Variants in GRIN2A observed in about 807,000 individuals in gnomAD.
The protein encoded by GRIN2A is glutamate ionotropic receptor NMDA type subunit 2A.
GRIN2A carries 22 observed loss-of-function variants against 113.4 expected under a neutral mutation model. The observed-to-expected ratio is 0.19, with a 90% CI of 0.14 to 0.28. GRIN2A has a LOEUF of 0.28. GRIN2A is among the 10% of genes least tolerant of loss of function. The pLI is 1.00. For synonymous variants in GRIN2A, 827 were observed against 738.4 expected (o/e 1.12, Z -1.94); for missense variants, 1,502 against 1,887.0 (o/e 0.80, Z 3.78).
chr16:9,974,838 T>A (rs1425765832), intron 2 of GRIN2A, among the ~76,000 whole-genome samples: 1 of 152,232 alleles, frequency 6.6e-6, no homozygotes, highest in African/African-American at 2.4e-5. Flanking sequence ...TATTTCTTTT[T>A]CTGGCCTAAT....
At chr16:10,066,300 G>A (rs1182543171) in intron 2 of GRIN2A, among the ~76,000 whole-genome samples, 3 of 152,102 alleles carry the variant, frequency 2.0e-5, no homozygotes, top group Non-Finnish European at 4.4e-5. Context: ...AGTGGCCGCT[G>A]GGCTCCTTCC....
intron 2 of GRIN2A, chr16:10,112,137 G>T: frequency 1.7e-6 from 1 of 594,468 alleles, no homozygotes; most frequent in South Asian, 1.7e-5. Flanking sequence ...GGGCACCCAT[G>T]AGGATGACAA....
intron 2 of GRIN2A, among the ~76,000 whole-genome samples, chr16:10,130,768 T>A (rs72776054): frequency 6.6e-6 from 1 of 152,130 alleles, no homozygotes; most frequent in East Asian, 1.9e-4. Context: ...CACTGTCATG[T>A]CTTCATTAAG....
chr16:9,978,072 G>C (rs560778221), intron 2 of GRIN2A, among the ~76,000 whole-genome samples: 3 of 152,210 alleles, frequency 2.0e-5, no homozygotes, highest in Admixed American at 2.0e-4. Context: ...ACCTTTCTGA[G>C]CCTTTTCTTC....
chr16:10,112,770 C>T (rs1158972308), intron 2 of GRIN2A: 1 of 708,526 alleles, frequency 1.4e-6, no homozygotes, highest in African/African-American at 1.7e-5. Context: ...AGCGAGTAAC[C>T]AGCATGGCTC....
Position 9,808,680 on chromosome 16 carries a change from G to A in GRIN2A, c.2169-10216C>T, listed in dbSNP as rs145087947. 2.7e-4 allele frequency among the ~76,000 whole-genome samples: 41 copies of A among 152,116 alleles called. 1 individual carries two copies. In the East Asian group the frequency reaches 6.4e-3, roughly 24 times the overall value. On this transcript the variant is annotated intron_variant, in intron 10 of 12. Transcript: ENST00000330684. ...TTAGAGACAGAATATTAAAGTAGGCGTTTCTTACCCCAAAATCCACTCTCT... is the reference window on the plus strand; with the variant it reads ...TTAGAGACAGAATATTAAAGTAGGCATTTCTTACCCCAAAATCCACTCTCT...
chr16:10,141,500 A>G (rs1305993890), intron 2 of GRIN2A, among the ~76,000 whole-genome samples: 1 of 152,148 alleles, frequency 6.6e-6, no homozygotes, highest in African/African-American at 2.4e-5. Context: ...AAAATGAAAT[A>G]AAATAAAATA....
chr16:9,934,522 A>C (rs1349939456), intron 3 of GRIN2A, among the ~76,000 whole-genome samples: 1 of 151,930 alleles, frequency 6.6e-6, no homozygotes, highest in Admixed American at 6.6e-5. Flanking sequence ...CTCTACTAAA[A>C]ATACAAAAAT....
intron 2 of GRIN2A, among the ~76,000 whole-genome samples, chr16:10,050,501 G>C (rs76633573): frequency 6.6e-6 from 1 of 151,726 alleles, no homozygotes; most frequent in Non-Finnish European, 1.5e-5. Context: ...CACATACGAG[G>C]GATCTAGATG....
At chr16:9,804,838 T>C (rs2041934135) in intron 10 of GRIN2A, among the ~76,000 whole-genome samples, 1 of 152,074 alleles carries the variant, frequency 6.6e-6, no homozygotes, top group African/African-American at 2.4e-5. Context: ...TCACCGGCAG[T>C]CCTCAAGGAG....
chr16:9,769,943 G>C (rs1352426405), intron 11 of GRIN2A, among the ~76,000 whole-genome samples: 3 of 152,138 alleles, frequency 2.0e-5, no homozygotes, highest in African/African-American at 7.2e-5. Context: ...GAGACATCCA[G>C]CTGGCTCTGA....
In GRIN2A at chr16:10,126,722, G is replaced by A. The variant is rs138934731; in HGVS notation, c.414+53276C>T. On this transcript the variant is annotated intron_variant, in intron 2 of 12. Coordinates refer to ENST00000330684, the MANE Select transcript of GRIN2A (RefSeq NM_001134407.3). Reference sequence around the variant, plus strand: ...TGTTAATTTTCTTTATGTTATTGCTGGAACTCCCTGAAACGACCACAAAGC... The same window carrying A: ...TGTTAATTTTCTTTATGTTATTGCTAGAACTCCCTGAAACGACCACAAAGC... Among the ~76,000 whole-genome samples the A allele has an allele frequency of 7.2e-5, 11 of 152,206 alleles. No homozygotes were observed. The East Asian group carries it at 1.7e-3, about 24-fold the overall frequency.
chr16:10,020,328 CTT>C (rs1448912107), intron 2 of GRIN2A, among the ~76,000 whole-genome samples: 1 of 152,184 alleles, frequency 6.6e-6, no homozygotes, highest in African/African-American at 2.4e-5. Flanking sequence ...CATTGAAACT[CTT>C]TGGGCTCAGT....
chr16:9,812,134 G>GTGAC (rs2141271999), intron 10 of GRIN2A, among the ~76,000 whole-genome samples: 1 of 152,196 alleles, frequency 6.6e-6, no homozygotes, highest in South Asian at 2.1e-4. Context: ...TTTTTACATT[G>GTGAC]TGACTCAAAG....
At chr16:10,015,252 C>CAAAAAAAAAAAAAGAAAAAAAAAAAAAAA (rs2046581712) in intron 2 of GRIN2A, among the ~76,000 whole-genome samples, 1 of 19,316 alleles carries the variant, frequency 5.2e-5, no homozygotes, top group African/African-American at 1.5e-4. Context: ...GACTTCATCT[C>CAAAAAAAAAAAAAGAAAAAAAAAAAAAAA]AAAAAAAAAA....
intron 2 of GRIN2A, among the ~76,000 whole-genome samples, chr16:10,057,290 A>G (rs551003006): frequency 6.6e-6 from 1 of 152,128 alleles, no homozygotes; most frequent in African/African-American, 2.4e-5. Flanking sequence ...AATCTAAGTA[A>G]ATACAATGGG....
At chr16:9,877,875 C>CG (rs935699480) in intron 4 of GRIN2A, among the ~76,000 whole-genome samples, 3 of 142,248 alleles carry the variant, frequency 2.1e-5, no homozygotes, top group Middle Eastern at 3.5e-3. Flanking sequence ...TCCCTCTCCC[C>CG]CAACTCTCTC....
At chr16:10,107,407 T>G (rs531948882) in intron 2 of GRIN2A, among the ~76,000 whole-genome samples, 24 of 152,200 alleles carry the variant, frequency 1.6e-4, no homozygotes, top group Non-Finnish European at 3.2e-4. Context: ...GTGTTGAAAC[T>G]GCCCTGAGCT....
intron 2 of GRIN2A, among the ~76,000 whole-genome samples, chr16:10,035,646 G>A (rs9927927): frequency 0.026 from 3,967 of 152,032 alleles, 188 homozygotes; most frequent in African/African-American, 0.092. Context: ...GGAAGCCCAA[G>A]AATCTGCATT....
Sources: allele counts gnomAD v4.1 joint callset (sites outside exome capture counted in the v4.1 genomes callset), GRCh38; gene constraint gnomAD v4.1.1; transcripts MANE v1.5; gene names NCBI Gene and HGNC (gene_info 2026-07-23, HGNC 2026-07-21).